Variants in ANXA2 observed in about 807,000 individuals in gnomAD.
The protein encoded by ANXA2 is annexin II.
In ANXA2, 28 loss-of-function variants were observed where a neutral mutation model predicts 47.3. The ratio of observed to expected loss-of-function variants is 0.59; its 90% CI spans 0.44 to 0.81. ANXA2 has a LOEUF of 0.81. Among genes scored for constraint, ANXA2 ranks in the 40% least tolerant of loss-of-function variants. The pLI is 0.00. For synonymous variants in ANXA2, 172 were observed against 155.5 expected (o/e 1.11, Z -0.79); for missense variants, 384 against 414.3 (o/e 0.93, Z 0.64).
At chr15:60,397,548 C>T (rs2063097384) in intron 1 of ANXA2, among the ~76,000 whole-genome samples, 1 of 152,198 alleles carries the variant, frequency 6.6e-6, no homozygotes, top group African/African-American at 2.4e-5. Context: ...CTTGCTACTG[C>T]TGCGCCGGGG....
intron 1 of ANXA2, chr15:60,390,267 C>T: frequency 9.5e-7 from 1 of 1,047,664 alleles, no homozygotes; most frequent in Non-Finnish European, 1.2e-6. Context: ...CCTTTTGTAT[C>T]CATATAAATA....
At chr15:60,393,049 C>T (rs1319805413) in intron 1 of ANXA2, 3 of 1,286,762 alleles carry the variant, frequency 2.3e-6, no homozygotes, top group East Asian at 5.6e-5. Flanking sequence ...TTTTTGAAAG[C>T]AGATATTCTT....
chr15:60,390,202 G>A, intron 1 of ANXA2: 4 of 890,976 alleles, frequency 4.5e-6, no homozygotes, highest in South Asian at 9.2e-5. Flanking sequence ...TAACCACAAA[G>A]TCACACTTAC....
chr15:60,393,171 C>G, intron 1 of ANXA2: 2 of 1,237,996 alleles, frequency 1.6e-6, no homozygotes, highest in African/African-American at 1.6e-5. Context: ...GAGGGACACA[C>G]AGCACTTGCT....
At chr15:60,357,096 G>C in intron 6 of ANXA2, 50 bp downstream of exon 6, 1 of 1,547,854 alleles carries the variant, frequency 6.5e-7, no homozygotes, top group East Asian at 2.2e-5. Flanking sequence ...CCATGATAGA[G>C]TCACATAAAT....
intron 4 of ANXA2, among the ~76,000 whole-genome samples, chr15:60,362,265 C>T (rs144541719): frequency 5.0e-4 from 76 of 152,250 alleles, no homozygotes; most frequent in African/African-American, 1.8e-3. Flanking sequence ...TCCCCTCTAC[C>T]CATTCTCTAT....
intron 1 of ANXA2, among the ~76,000 whole-genome samples, chr15:60,392,146 GGCCCCACCCT>G (rs1304948368): frequency 6.6e-6 from 1 of 152,144 alleles, no homozygotes; most frequent in Non-Finnish European, 1.5e-5. Flanking sequence ...CAGGTCACTT[GGCCCCACCCT>G]AATGAAAAGA....
At chr15:60,384,396 T>C (rs1310146281) in intron 2 of ANXA2, 1 of 152,220 alleles carries the variant, frequency 6.6e-6, no homozygotes, top group Non-Finnish European at 1.5e-5. Flanking sequence ...ATTGAACCTA[T>C]TACCTATAAA....
chr15:60,359,448 C>A (rs1190504738), intron 5 of ANXA2, among the ~76,000 whole-genome samples: 1 of 152,156 alleles, frequency 6.6e-6, no homozygotes, highest in East Asian at 1.9e-4. Context: ...TTTTTATCAA[C>A]CAGGATCATG....
rs1212704416 is a variant in ANXA2 at position 60,352,958 on chromosome 15, AT to A, written c.589-483del. On this transcript the variant is annotated intron_variant, in intron 8 of 12. Coordinates refer to ENST00000451270, the MANE Select transcript of ANXA2 (RefSeq NM_004039.3). The surrounding 1 kb of genome is among the most constrained non-coding windows in gnomAD (Gnocchi z 4.2). ...TCATCTCACTTTCAGTTTCTGGAAA[AT>A]TTAGGGGCTACAAGTAGCCCTAACA... is the stretch of plus-strand genomic sequence containing the variant. 6.6e-6 allele frequency among the ~76,000 whole-genome samples: 1 copy of A among 152,118 alleles called. No homozygotes were observed. The highest frequency in any genetic ancestry group is 1.5e-5 in the Non-Finnish European group (1 of 68,026).
intron 1 of ANXA2, chr15:60,391,154 A>G (rs905178280): frequency 3.9e-5 from 6 of 152,310 alleles, no homozygotes; most frequent in African/African-American, 1.4e-4. Flanking sequence ...CTGAGAGTCT[A>G]GTCCAGGGTC....
chr15:60,387,104 G>C (rs913609325), intron 1 of ANXA2: 1 of 152,196 alleles, frequency 6.6e-6, no homozygotes, highest in African/African-American at 2.4e-5. Context: ...ATGTGACATA[G>C]ATATTTGCTA....
chr15:60,357,702 G>A (rs1360275476), intron 5 of ANXA2, among the ~76,000 whole-genome samples: 1 of 151,942 alleles, frequency 6.6e-6, no homozygotes, highest in Non-Finnish European at 1.5e-5. Flanking sequence ...GCTGAGGCAG[G>A]AGAATGGCGT....
At position 60,355,906 on chromosome 15, in the gene ANXA2, C is replaced by A. The variant is rs1486582092; in HGVS notation, c.528+13G>T. On this transcript the variant is annotated intron_variant, in intron 7 of 12. Transcript: ENST00000451270. ...GAGGAAGCAAGGGCAAAGAAAGAAA[C>A]TGGGAAACCAACCTTTGCCAGGGCA... is the stretch of plus-strand genomic sequence containing the variant. The A allele has an allele frequency of 1.1e-5, 17 of 1,612,020 alleles. No homozygotes were observed. The East Asian group carries it at 3.8e-4, about 36-fold the overall frequency.
chr15:60,377,354 G>A (rs987558744), intron 3 of ANXA2, among the ~76,000 whole-genome samples: 1 of 152,142 alleles, frequency 6.6e-6, no homozygotes, highest in Non-Finnish European at 1.5e-5. Context: ...CACTATGAAA[G>A]TAATACAAGT....
intron 3 of ANXA2, among the ~76,000 whole-genome samples, chr15:60,376,072 G>T (rs1253522723): frequency 3.3e-5 from 5 of 152,108 alleles, no homozygotes; most frequent in African/African-American, 1.2e-4. Flanking sequence ...AAGCAGGGAG[G>T]TCCCTTAGAA....
chr15:60,356,187 A>G (rs1162838098), intron 6 of ANXA2, among the ~76,000 whole-genome samples, 189 bp from the exon 7 acceptor site: 1 of 151,996 alleles, frequency 6.6e-6, no homozygotes, highest in African/African-American at 2.4e-5. Context: ...AATCAGAGCC[A>G]GAGTTATTAT....
intron 1 of ANXA2, chr15:60,390,433 C>G (rs2062993608): frequency 2.0e-6 from 1 of 508,940 alleles, no homozygotes. Flanking sequence ...ACCAACCCCA[C>G]AAAACGGCAC....
At chr15:60,364,013 C>G (rs562004177) in intron 4 of ANXA2, among the ~76,000 whole-genome samples, 43 of 152,290 alleles carry the variant, frequency 2.8e-4, no homozygotes, top group Non-Finnish European at 5.6e-4. Flanking sequence ...TTTCTATTCC[C>G]AGAAGCTCTC....
Sources: gnomAD v4.1 joint callset for allele counts (sites outside exome capture counted in the v4.1 genomes callset) on GRCh38, gnomAD v4.1.1 for gene constraint, Gnocchi (gnomAD v3.1) non-coding constraint, MANE v1.5 for transcripts, NCBI Gene and HGNC (gene_info 2026-07-23, HGNC 2026-07-21) for gene names.